SRCIN1: variants seen among roughly 807,000 people sequenced by gnomAD.
SRCIN1 encodes P130Cas-associated protein.
A neutral mutation model predicts 116.2 loss-of-function variants in SRCIN1; 50 were observed. That is an observed-to-expected ratio of 0.43 (90% CI 0.34 to 0.54). The LOEUF (loss-of-function observed/expected upper bound fraction) is 0.54. Ranked by LOEUF, SRCIN1 falls within the 20% of genes least tolerant of loss-of-function variation. The probability of loss-of-function intolerance (pLI) is 0.02; values close to 1 mark genes in which losing one functional copy is unlikely to be tolerated. For synonymous variants in SRCIN1, 736 were observed against 750.0 expected, an observed-to-expected ratio of 0.98 and a Z score of 0.30; for missense variants, 1,446 against 1,672.0, an observed-to-expected ratio of 0.86 and a Z score of 2.36.
In SRCIN1 at chr17:38,569,101, G is replaced by GTGGC. The variant is rs558286420; in HGVS notation, c.325-874_325-871dup. Among the ~76,000 whole-genome samples, 807 of 152,296 alleles carry GTGGC rather than the reference G, an allele frequency of 5.3e-3. 3 individuals are homozygous for GTGGC. Among genetic ancestry groups the GTGGC allele is most frequent in the Non-Finnish European group, 9.4e-3 (639 of 68,000 alleles). Reference sequence around the variant, plus strand: ...AAGGGAGTTGGGGAGACTGGGGACTGTGGCTGGCTGGCTGATTGAGGAGGG... The same window carrying GTGGC: ...AAGGGAGTTGGGGAGACTGGGGACTGTGGCTGGCTGGCTGGCTGATTGAGGAGGG... On this transcript the variant is annotated intron_variant, in intron 2 of 18. Coordinates refer to ENST00000617146, the MANE Select transcript of SRCIN1 (RefSeq NM_025248.3).
intron 15 of SRCIN1, among the ~76,000 whole-genome samples, chr17:38,550,867 C>T (rs1167611318): frequency 1.3e-5 from 2 of 152,248 alleles, no homozygotes; most frequent in South Asian, 2.1e-4. Context: ...GGGGCATGTG[C>T]CCAGCCAAGC....
chr17:38,591,859 G>C (rs1039662204), intron 1 of SRCIN1, among the ~76,000 whole-genome samples: 1 of 152,194 alleles, frequency 6.6e-6, no homozygotes. Flanking sequence ...GCCCCTCAGA[G>C]CCCCAGCTCC....
intron 2 of SRCIN1, among the ~76,000 whole-genome samples, chr17:38,577,977 G>A (rs1907516955): frequency 6.6e-6 from 1 of 152,082 alleles, no homozygotes; most frequent in African/African-American, 2.4e-5. Context: ...AAAGGCTCCC[G>A]TTCTGGGCTC....
At chr17:38,601,166 G>A (rs532416826) in intron 1 of SRCIN1, 1 of 152,452 alleles carries the variant, frequency 6.6e-6, no homozygotes, top group South Asian at 2.1e-4. Flanking sequence ...AGAGGCCCGC[G>A]CTGGGATGGG....
intron 15 of SRCIN1, 47 bp downstream of exon 15, chr17:38,551,108 G>A (rs1319821300): frequency 1.2e-6 from 1 of 805,988 alleles, no homozygotes; most frequent in Non-Finnish European, 1.9e-6. Context: ...CCTGAGGAGG[G>A]CACTCCCCCA....
rs1482689878 is a variant in SRCIN1 at position 38,604,531 on chromosome 17, G to C, written c.22+1153C>G. ...TCGGTCCAGCCTCCTCCCTGGGAGA[G>C]CGGGCTCTGCCCTCCGCCGTCCTCT... On this transcript the variant is annotated intron_variant, in intron 1 of 18. Coordinates refer to ENST00000617146, the MANE Select transcript of SRCIN1 (RefSeq NM_025248.3). This position sits in a 1 kb window ranked among gnomAD's most constrained non-coding sequence, Gnocchi z 4.3. The C allele has an allele frequency of 6.6e-6, 3 of 455,274 alleles. No individual in the cohort carries two copies. The Admixed American group carries it at 7.1e-5, about 11-fold the overall frequency. The allele number at this position is 455,274 out of a possible 1,614,324, so 28.2% of individuals were successfully genotyped here. A position where few individuals can be genotyped will look rare whatever the true frequency, so the allele number is the denominator to read the frequency against.
chr17:38,574,513 G>T (rs1474024409), intron 2 of SRCIN1, among the ~76,000 whole-genome samples: 1 of 152,164 alleles, frequency 6.6e-6, no homozygotes, highest in Non-Finnish European at 1.5e-5. Flanking sequence ...AGGGGAGGGT[G>T]TGGAGAGGGG....
intron 18 of SRCIN1, among the ~76,000 whole-genome samples, chr17:38,540,603 G>A (rs968836510): frequency 1.4e-4 from 21 of 151,712 alleles, no homozygotes; most frequent in African/African-American, 4.6e-4. Flanking sequence ...CCAGTGACCC[G>A]CATGGCTGGA....
At chr17:38,564,613 G>C (rs972303932) in intron 3 of SRCIN1, among the ~76,000 whole-genome samples, 7 of 152,260 alleles carry the variant, frequency 4.6e-5, no homozygotes, top group South Asian at 4.1e-4. Flanking sequence ...GCTATTTCAG[G>C]CTTCCGAAGA....
Position 38,560,336 on chromosome 17 carries a change from G to T in SRCIN1, c.1790C>A (p.Pro597His). The change falls in exon 8 of 19, where the codon CCC becomes CAC. Residue 597 changes from proline (P) to histidine (H), a missense_variant. Pro to His is a moderately conservative substitution (Grantham distance 77). Transcript: ENST00000617146. ...ALLRGSEPET[P>H]SEKIEGSNGA... ...GGTGTTGGGAGAGGGGCCTCACCTGGGGGTCTCAGGCTCAGAGCCTCGCAG... is the reference window on the plus strand; with the variant it reads ...GGTGTTGGGAGAGGGGCCTCACCTGTGGGTCTCAGGCTCAGAGCCTCGCAG... The T allele has an allele frequency of 1.2e-6, 2 of 1,608,232 alleles. No homozygotes were observed. The highest frequency in any genetic ancestry group is 1.7e-6 in the Non-Finnish European group (2 of 1,177,322).
At chr17:38,595,830 G>A (rs969782990) in intron 1 of SRCIN1, among the ~76,000 whole-genome samples, 5 of 152,310 alleles carry the variant, frequency 3.3e-5, no homozygotes, top group African/African-American at 4.8e-5. Flanking sequence ...GCTTGTACAC[G>A]CACACTCACT....
chr17:38,591,686 C>T (rs1908452023), intron 1 of SRCIN1, among the ~76,000 whole-genome samples: 1 of 152,148 alleles, frequency 6.6e-6, no homozygotes, highest in Non-Finnish European at 1.5e-5. Flanking sequence ...AGCCTCAGAC[C>T]TCAGGGGGCC....
intron 18 of SRCIN1, among the ~76,000 whole-genome samples, chr17:38,536,124 C>T (rs1904364594): frequency 6.6e-6 from 1 of 152,178 alleles, no homozygotes; most frequent in South Asian, 2.1e-4. Context: ...ATGCCTCGTC[C>T]CCGTCCCGCT....
At chr17:38,542,519 G>A (rs1319277355) in intron 18 of SRCIN1, 4 of 155,978 alleles carry the variant, frequency 2.6e-5, no homozygotes, top group Admixed American at 2.5e-4. Flanking sequence ...ACAGGACAAG[G>A]GGAACTCATC....
intron 1 of SRCIN1, among the ~76,000 whole-genome samples, chr17:38,583,439 A>T (rs1160730579): frequency 6.6e-6 from 1 of 152,084 alleles, no homozygotes; most frequent in Non-Finnish European, 1.5e-5. Flanking sequence ...CTAAGAACCT[A>T]ATTTGTAAAA....
chr17:38,587,299 A>T (rs1478663747), intron 1 of SRCIN1, among the ~76,000 whole-genome samples: 2 of 151,956 alleles, frequency 1.3e-5, no homozygotes, highest in Non-Finnish European at 2.9e-5. Context: ...CTGCATGGCT[A>T]TTGAGTCCTT....
At chr17:38,575,133 G>A (rs1252615960) in intron 2 of SRCIN1, among the ~76,000 whole-genome samples, 2 of 152,202 alleles carry the variant, frequency 1.3e-5, no homozygotes, top group African/African-American at 4.8e-5. Context: ...ATTTAGGCTG[G>A]GTATCTCTCT....
intron 1 of SRCIN1, among the ~76,000 whole-genome samples, chr17:38,583,720 T>G (rs1907954193): frequency 6.6e-6 from 1 of 151,936 alleles, no homozygotes; most frequent in African/African-American, 2.4e-5. Context: ...GCCCAGCTAA[T>G]TTTTGTATTT....
At chr17:38,536,572 C>A (rs1007500030) in intron 18 of SRCIN1, among the ~76,000 whole-genome samples, 4 of 152,208 alleles carry the variant, frequency 2.6e-5, no homozygotes, top group Non-Finnish European at 5.9e-5. Flanking sequence ...CACATTCTGA[C>A]GCCCAGATGT....
Sources: allele counts gnomAD v4.1 joint callset (sites outside exome capture counted in the v4.1 genomes callset), GRCh38; gene constraint gnomAD v4.1.1; non-coding constraint Gnocchi (gnomAD v3.1); transcripts MANE v1.5; gene names NCBI Gene and HGNC (gene_info 2026-07-23, HGNC 2026-07-21).